POC5: variants seen among roughly 807,000 people sequenced by gnomAD.
POC5 encodes centrosomal protein POC5.
POC5 carries 48 observed loss-of-function variants against 62.9 expected under a neutral mutation model. That is an observed-to-expected ratio of 0.76 (90% CI 0.61 to 0.97). POC5 has a LOEUF of 0.97. Ranked by LOEUF, POC5 falls within the 50% of genes least tolerant of loss-of-function variation. POC5 has a pLI of 0.00. For missense variants in POC5, 696 were observed against 679.5 expected, an observed-to-expected ratio of 1.02 and a Z score of -0.27; for synonymous variants, 236 against 228.2, an observed-to-expected ratio of 1.03 and a Z score of -0.31.
At chr5:75,694,958 G>A in intron 5 of POC5, 127 bp from the exon 6 acceptor site, 3 of 642,554 alleles carry the variant, frequency 4.7e-6, no homozygotes, top group Non-Finnish European at 7.5e-6. Flanking sequence ...TAAAACAATT[G>A]GAACACATTA....
intron 11 of POC5, 48 bp from the exon 12 acceptor site, chr5:75,674,626 C>T: frequency 6.4e-7 from 1 of 1,571,400 alleles, no homozygotes; most frequent in Admixed American, 1.7e-5. Flanking sequence ...ATTATGTATA[C>T]TATGTATCAT....
Position 75,677,904 on chromosome 5 carries a change from G to A in POC5, c.1454C>T (p.Thr485Ile). The A allele has an allele frequency of 6.2e-7, 1 of 1,610,100 alleles. No homozygotes were observed. Residue 485 changes from threonine (T) to isoleucine (I), a missense_variant, in exon 11 of 12, where the codon ACT becomes ATT. Transcript: ENST00000428202. ...TCTTCCTGTGATCCGGGCTGTAATA[G>A]TTCTTCCTGCTTTCTGTTGTGCAGA... is the stretch of plus-strand genomic sequence containing the variant. ...VTSAQQKAGR[T>I]ITARITGRCD...
chr5:75,674,418 C>A lies in POC5; in HGVS notation c.*17G>T. On this transcript the variant is annotated 3_prime_UTR_variant, in exon 12 of 12. Transcript: ENST00000428202. ...AGACCAGAGGGATTAAAAGACCCCACTATGGACATATTCACTTTAGTCAAC... is the reference window on the plus strand; with the variant it reads ...AGACCAGAGGGATTAAAAGACCCCAATATGGACATATTCACTTTAGTCAAC... 1 of 1,612,890 alleles carries A rather than the reference C, an allele frequency of 6.2e-7. No homozygotes were observed. The highest frequency in any genetic ancestry group is 1.1e-5 in the South Asian group (1 of 90,908).
At chr5:75,693,523 T>C (rs1319008964) in intron 6 of POC5, among the ~76,000 whole-genome samples, 2 of 152,172 alleles carry the variant, frequency 1.3e-5, no homozygotes, top group East Asian at 1.9e-4. Flanking sequence ...ATGATATCTA[T>C]ATTCTTTGTG....
chr5:75,714,789 A>AGGATGC, intron 1 of POC5, among the ~76,000 whole-genome samples: 1 of 152,034 alleles, frequency 6.6e-6, no homozygotes, highest in Non-Finnish European at 1.5e-5. Context: ...GTAGTGCGCT[A>AGGATGC]CTCCAAGAAC....
chr5:75,709,620 G>A (rs1018254089), intron 2 of POC5: 2 of 151,996 alleles, frequency 1.3e-5, no homozygotes, highest in African/African-American at 4.8e-5. Flanking sequence ...TTTTTACATT[G>A]ACAAAAGTAA....
Position 75,693,681 on chromosome 5 carries a change from A to C in POC5, c.690+974T>G, listed in dbSNP as rs766705039. Reference sequence around the variant, plus strand: ...TACGAAATCAAGGTATGTTTAAAAAAATTATAATCTTTAATTCATGAAAAC... The same window carrying C: ...TACGAAATCAAGGTATGTTTAAAAACATTATAATCTTTAATTCATGAAAAC... On this transcript the variant is annotated intron_variant, in intron 6 of 11. Coordinates refer to ENST00000428202, the MANE Select transcript of POC5 (RefSeq NM_001099271.2). Among the ~76,000 whole-genome samples, 8 of 152,204 alleles carry C rather than the reference A, an allele frequency of 5.3e-5. No homozygotes were observed. The South Asian group carries it at 1.7e-3, about 32-fold the overall frequency.
At position 75,678,812 on chromosome 5, in the gene POC5, T is replaced by C. The variant is rs116667562; in HGVS notation, c.1408-862A>G. The stretch of plus-strand genomic sequence containing the variant: ...TATCAAAAAGTATTATCAGCTTTTA[T>C]AGCTTTTGCTGCTTATCGCTGGATA... On this transcript the variant is annotated intron_variant, in intron 10 of 11. Coordinates refer to ENST00000428202, the MANE Select transcript of POC5 (RefSeq NM_001099271.2). 6.4e-3 allele frequency among the ~76,000 whole-genome samples: 969 copies of C among 152,292 alleles called. 14 individuals are homozygous for C. The highest frequency in any genetic ancestry group is 0.022 in the African/African-American group (921 of 41,592).
chr5:75,716,080 T>C (rs1325008314), intron 1 of POC5, among the ~76,000 whole-genome samples: 1 of 151,796 alleles, frequency 6.6e-6, no homozygotes, highest in Non-Finnish European at 1.5e-5. Context: ...GAAATTGAAA[T>C]AGAAAAGGAA....
intron 5 of POC5, among the ~76,000 whole-genome samples, chr5:75,698,140 T>A (rs1776694498): frequency 7.2e-6 from 1 of 139,224 alleles, no homozygotes; most frequent in Admixed American, 7.2e-5. Context: ...CACCCCACTG[T>A]CAACATTAGA....
At chr5:75,694,264 C>T (rs1776464873) in intron 6 of POC5, among the ~76,000 whole-genome samples, 2 of 152,094 alleles carry the variant, frequency 1.3e-5, no homozygotes, top group Non-Finnish European at 2.9e-5. Flanking sequence ...AATGCTCGTT[C>T]CTTCACGTTC....
intron 2 of POC5, among the ~76,000 whole-genome samples, chr5:75,708,817 T>G (rs1261331676): frequency 2.0e-5 from 3 of 152,208 alleles, no homozygotes; most frequent in Non-Finnish European, 2.9e-5. Flanking sequence ...CAACCTTGAT[T>G]TCTTGATTTA....
chr5:75,690,719 G>C (rs943627248), intron 7 of POC5, among the ~76,000 whole-genome samples, 157 bp from the exon 8 acceptor site: 27 of 152,224 alleles, frequency 1.8e-4, no homozygotes, highest in African/African-American at 6.3e-4. Flanking sequence ...AACAGGCTTA[G>C]AGAGGTTAAG....
At chr5:75,683,449 G>T (rs1775947741) in intron 10 of POC5, among the ~76,000 whole-genome samples, 1 of 151,906 alleles carries the variant, frequency 6.6e-6, no homozygotes, top group South Asian at 2.1e-4. Flanking sequence ...TGGCCAGGCT[G>T]GTCTTGAACT....
chr5:75,682,990 A>G (rs1775928933), intron 10 of POC5, among the ~76,000 whole-genome samples: 1 of 152,222 alleles, frequency 6.6e-6, no homozygotes, highest in Admixed American at 6.5e-5. Context: ...ACTAAAGGTG[A>G]CCACTTGTCT....
At chr5:75,695,435 T>C (rs771544307) in intron 5 of POC5, among the ~76,000 whole-genome samples, 3 of 152,194 alleles carry the variant, frequency 2.0e-5, no homozygotes, top group Admixed American at 6.5e-5. Context: ...AACACTCCAA[T>C]TGACTTACAC....
At chr5:75,706,546 C>G (rs556418869) in intron 3 of POC5, among the ~76,000 whole-genome samples, 10 of 151,600 alleles carry the variant, frequency 6.6e-5, no homozygotes, top group Non-Finnish European at 8.8e-5. Flanking sequence ...GAACTGTTGA[C>G]TACAGCATCT....
intron 4 of POC5, among the ~76,000 whole-genome samples, chr5:75,703,563 T>C (rs899008078): frequency 6.4e-4 from 97 of 151,842 alleles, no homozygotes; most frequent in Non-Finnish European, 5.0e-4. Context: ...GAGGCAGAGG[T>C]TGCAGTGAGC....
chr5:75,716,434 G>A (rs899123968), intron 1 of POC5, among the ~76,000 whole-genome samples: 11 of 148,932 alleles, frequency 7.4e-5, no homozygotes, highest in Non-Finnish European at 1.3e-4. Flanking sequence ...AGTATGGTCA[G>A]ATCTCAAAAA....
Sources: gnomAD v4.1 joint callset for allele counts (sites outside exome capture counted in the v4.1 genomes callset) on GRCh38, gnomAD v4.1.1 for gene constraint, MANE v1.5 for transcripts, NCBI Gene and HGNC (gene_info 2026-07-23, HGNC 2026-07-21) for gene names.